Variants in C3orf38 observed in about 807,000 individuals in gnomAD.
C3orf38 encodes chromosome 3 open reading frame 38.
In C3orf38, 18 loss-of-function variants were observed where a neutral mutation model predicts 28.3. That is an observed-to-expected ratio of 0.64 (90% CI 0.44 to 0.94). The LOEUF (loss-of-function observed/expected upper bound fraction) is 0.94, where lower values mean the gene tolerates loss of function less well. Among genes scored for constraint, C3orf38 ranks in the 40% least tolerant of loss-of-function variants. C3orf38 has a pLI of 0.00. For synonymous variants in C3orf38, 145 were observed against 138.1 expected (o/e 1.05, Z -0.35); for missense variants, 364 against 396.4 (o/e 0.92, Z 0.69).
intron 1 of C3orf38, among the ~76,000 whole-genome samples, chr3:88,151,761 T>C (rs761821669): frequency 5.9e-5 from 9 of 152,250 alleles, no homozygotes; most frequent in Non-Finnish European, 1.3e-4. Context: ...GTTAGCTATG[T>C]ATATCAAATT....
chr3:88,152,062 G>A (rs989659394), intron 1 of C3orf38, among the ~76,000 whole-genome samples: 4 of 152,148 alleles, frequency 2.6e-5, no homozygotes, highest in East Asian at 1.9e-4. Flanking sequence ...ATGGGAGTTC[G>A]TTTTATTGCC....
intron 1 of C3orf38, 105 bp from the exon 2 acceptor site, chr3:88,153,125 G>T: frequency 1.9e-6 from 2 of 1,054,720 alleles, no homozygotes. Context: ...CAGCAATAAT[G>T]CTGTGACGAG....
Position 88,156,551 on chromosome 3 carries a change from TA to T in C3orf38, c.908del (p.Asn303MetfsTer2). On this transcript the variant is annotated frameshift_variant, in exon 3 of 3. Transcript: ENST00000318887. LOFTEE classifies it high-confidence loss of function. ...AACAAAGTGATCTAGAGGCCTTTTA[TA>T]ATGTAATCACTGTATGTGGTACCAA... ...FEQSDLEAFY[N>X]VITVCGTNEV... 1 of 1,614,130 alleles carries T rather than the reference TA, an allele frequency of 6.2e-7. No homozygotes were observed. Among genetic ancestry groups the T allele is most frequent in the Non-Finnish European group, 8.5e-7 (1 of 1,180,012 alleles).
chr3:88,156,459 A>G lies in C3orf38; in HGVS notation c.814A>G (p.Asn272Asp). Reference sequence around the variant, plus strand: ...GAATACTTGGAAAATCAAATTTATCAACCTGAAAATTATGGGAGAGAGTTC... The same window carrying G: ...GAATACTTGGAAAATCAAATTTATCGACCTGAAAATTATGGGAGAGAGTTC... ...VENTWKIKFI[N>D]LKIMGESSLA... The change falls in exon 3 of 3, where the codon AAC becomes GAC. Residue 272 changes from asparagine to aspartate, a missense_variant. Coordinates refer to ENST00000318887, the MANE Select transcript of C3orf38 (RefSeq NM_173824.4). 6.2e-7 allele frequency: 1 copy of G among 1,614,188 alleles called. No homozygotes were observed. Among genetic ancestry groups the G allele is most frequent in the Non-Finnish European group, 8.5e-7 (1 of 1,180,030 alleles).
Position 88,156,190 on chromosome 3 carries a change from A to G in C3orf38, c.545A>G (p.Tyr182Cys), listed in dbSNP as rs752314442. Reference sequence around the variant, plus strand: ...CATGATGTGAAGCTTAGGTTTTATTACAACACATCAGAACAAAATGTTATG... The same window carrying G: ...CATGATGTGAAGCTTAGGTTTTATTGCAACACATCAGAACAAAATGTTATG... Reference protein sequence around the residue: ...FWHDVKLRFYYNTSEQNVMDY... With the variant: ...FWHDVKLRFYCNTSEQNVMDY... Residue 182 changes from tyrosine (Y) to cysteine (C), a missense_variant, in exon 3 of 3, where the codon TAC (tyrosine) becomes TGC (cysteine). Coordinates refer to ENST00000318887, the MANE Select transcript of C3orf38 (RefSeq NM_173824.4). 6.2e-6 allele frequency: 10 copies of G among 1,613,722 alleles called. No homozygotes were observed. The African/African-American group carries it at 8.0e-5, about 13-fold the overall frequency.
intron 1 of C3orf38, chr3:88,150,546 G>A (rs1348908922): frequency 1.8e-5 from 3 of 165,222 alleles, no homozygotes; most frequent in Admixed American, 1.2e-4. Context: ...AAGTTTGAGT[G>A]GGAGGAGGAT....
In C3orf38 at chr3:88,155,619, C is replaced by T. The variant is rs184313264; in HGVS notation, c.376-402C>T. 9.2e-5 allele frequency among the ~76,000 whole-genome samples: 14 copies of T among 151,918 alleles called. No individual in the cohort carries two copies. The South Asian group carries it at 1.0e-3, about 11-fold the overall frequency. ...GAATACAGGTACACGCCACCATGCC[C>T]GGCTAATTTTTGTATTTTTAGTAGA... On this transcript the variant is annotated intron_variant, in intron 2 of 2. Coordinates refer to ENST00000318887, the MANE Select transcript of C3orf38 (RefSeq NM_173824.4).
At chr3:88,153,115 C>G (rs1310935520) in intron 1 of C3orf38, 115 bp from the exon 2 acceptor site, 2 of 974,974 alleles carry the variant, frequency 2.1e-6, no homozygotes, top group Non-Finnish European at 3.0e-6. Context: ...TATCATGTAA[C>G]AGCAATAATG....
chr3:88,151,474 C>G (rs964474312), intron 1 of C3orf38, among the ~76,000 whole-genome samples: 1 of 152,188 alleles, frequency 6.6e-6, no homozygotes, highest in Non-Finnish European at 1.5e-5. Context: ...ACCTAGTCTT[C>G]TCAAACTTGA....
At chr3:88,155,814 C>T (rs1290146435) in intron 2 of C3orf38, among the ~76,000 whole-genome samples, 1 of 152,096 alleles carries the variant, frequency 6.6e-6, no homozygotes, top group Non-Finnish European at 1.5e-5. Flanking sequence ...GCTGAATTTT[C>T]AGCAATTTAA....
In C3orf38 at chr3:88,156,758, G is replaced by T; in HGVS notation, c.*123G>T. On this transcript the variant is annotated 3_prime_UTR_variant, in exon 3 of 3. Transcript: ENST00000318887. ...AGAAACTCTTCCAAATACTATATCA[G>T]TAATGTCTGAATGATTTCAGATGTG... is the stretch of plus-strand genomic sequence containing the variant. 1.0e-6 allele frequency: 1 copy of T among 979,212 alleles called. No individual in the cohort carries two copies. The highest frequency in any genetic ancestry group is 2.6e-5 in the Admixed American group (1 of 38,590). The allele number at this position is 979,212 out of a possible 1,614,324, so 60.7% of individuals were successfully genotyped here. A position where few individuals can be genotyped will look rare whatever the true frequency, so the allele number is the denominator to read the frequency against.
At chr3:88,152,245 G>C (rs1048988485) in intron 1 of C3orf38, among the ~76,000 whole-genome samples, 11 of 151,658 alleles carry the variant, frequency 7.3e-5, no homozygotes, top group African/African-American at 2.7e-4. Context: ...GTGAAACCCC[G>C]TCTCTACTAA....
chr3:88,155,288 C>T (rs1474322542), intron 2 of C3orf38, among the ~76,000 whole-genome samples: 2 of 152,072 alleles, frequency 1.3e-5, no homozygotes, highest in Non-Finnish European at 2.9e-5. Flanking sequence ...CTTATATTAA[C>T]TTTATGTCAT....
At chr3:88,151,358 G>C (rs1477775710) in intron 1 of C3orf38, among the ~76,000 whole-genome samples, 1 of 152,038 alleles carries the variant, frequency 6.6e-6, no homozygotes, top group African/African-American at 2.4e-5. Flanking sequence ...TCATGATCAG[G>C]TGAAGCAACT....
chr3:88,150,176 G>C lies in C3orf38; in HGVS notation c.124G>C (p.Asp42His), dbSNP rs1242792282. The C allele has an allele frequency of 6.2e-7, 1 of 1,613,922 alleles. No homozygotes were observed. Among genetic ancestry groups the C allele is most frequent in the Admixed American group, 1.7e-5 (1 of 60,006 alleles). ...CACCAACCGCCTGGTGCAGCCTCAG[G>C]ACCGCCAAGGTAAGGGCGGACCCTT... ...TVTNRLVQPQ[D>H]RQDAVHAILA... Residue 42 changes from aspartate to histidine, a missense_variant, in exon 1 of 3, where the codon GAC becomes CAC. By Grantham distance (81) the Asp-to-His change is moderately conservative. Transcript: ENST00000318887.
chr3:88,150,002 G>A lies in C3orf38; in HGVS notation c.-51G>A. 1 of 1,610,254 alleles carries A rather than the reference G, an allele frequency of 6.2e-7. No homozygotes were observed. The highest frequency in any genetic ancestry group is 8.5e-7 in the Non-Finnish European group (1 of 1,178,272). ...GTCTGTTGCCAGGCGCGGGCCCAGT[G>A]GGCCGTAGGGGCGACATTGTTGCCG... On this transcript the variant is annotated 5_prime_UTR_variant, in exon 1 of 3. Coordinates refer to ENST00000318887, the MANE Select transcript of C3orf38 (RefSeq NM_173824.4).
In C3orf38 at chr3:88,157,793, G is replaced by C. The variant is rs1707499895; in HGVS notation, c.*1158G>C. The C allele has an allele frequency of 6.6e-6, 1 of 151,990 alleles. No homozygotes were observed. Among genetic ancestry groups the C allele is most frequent in the Non-Finnish European group, 1.5e-5 (1 of 67,978 alleles). The allele number at this position is 151,990 out of a possible 1,614,324, so 9.4% of individuals were successfully genotyped here. On this transcript the variant is annotated 3_prime_UTR_variant, in exon 3 of 3. Transcript: ENST00000318887. ...GGAAATGTGATGACGTATTGTACAT[G>C]TTACTTTTTCCTTTGCTATAATCAT...
chr3:88,154,087 C>T (rs1049166689), intron 2 of C3orf38, among the ~76,000 whole-genome samples: 12 of 152,048 alleles, frequency 7.9e-5, no homozygotes, highest in African/African-American at 2.7e-4. Context: ...TTAACTTTAG[C>T]TCCGTGTAAT....
chr3:88,154,949 C>G (rs1707459927), intron 2 of C3orf38, among the ~76,000 whole-genome samples: 1 of 151,920 alleles, frequency 6.6e-6, no homozygotes, highest in Non-Finnish European at 1.5e-5. Context: ...AGCCTCCACC[C>G]TCTGGGTTCA....
Sources: allele counts gnomAD v4.1 joint callset (sites outside exome capture counted in the v4.1 genomes callset), GRCh38; gene constraint gnomAD v4.1.1; transcripts MANE v1.5; gene names NCBI Gene and HGNC (gene_info 2026-07-23, HGNC 2026-07-21).